The following NUP214 variants were observed in gnomAD, a reference collection of about 807,000 sequenced individuals.
NUP214 encodes nuclear pore complex protein Nup214.
Under a neutral mutation model 196.2 loss-of-function variants are expected in NUP214, and 79 were observed. The observed-to-expected ratio is 0.40, with a 90% CI of 0.34 to 0.49. The LOEUF is 0.49. Among genes scored for constraint, NUP214 ranks in the 20% least tolerant of loss-of-function variants. The pLI, the probability that NUP214 is intolerant of heterozygous loss-of-function variation, is 0.58. For synonymous variants in NUP214, 1,020 were observed against 990.5 expected (o/e 1.03, Z -0.56); for missense variants, 2,468 against 2,539.0 (o/e 0.97, Z 0.60).
chr9:131,130,388 G>A (rs572770244), intron 4 of NUP214, among the ~76,000 whole-genome samples: 4 of 151,750 alleles, frequency 2.6e-5, no homozygotes, highest in African/African-American at 4.8e-5. Flanking sequence ...CAAGTGATCC[G>A]TCCGTCTCAT....
At chr9:131,190,162 A>G (rs1447442579) in intron 26 of NUP214, 2 of 329,620 alleles carry the variant, frequency 6.1e-6, no homozygotes, top group Non-Finnish European at 1.1e-5. Flanking sequence ...TACGCCTCAC[A>G]TGAGAAGGAG....
At chr9:131,228,373 C>A (rs764703442) in intron 33 of NUP214, 42 bp downstream of exon 33, 2 of 1,538,906 alleles carry the variant, frequency 1.3e-6, no homozygotes, top group Admixed American at 4.7e-5. Flanking sequence ...CACACGCCAG[C>A]CAAAAAGCAC....
At chr9:131,191,363 G>T (rs1833597396) in intron 26 of NUP214, 1 of 152,184 alleles carries the variant, frequency 6.6e-6, no homozygotes, top group Non-Finnish European at 1.5e-5. Context: ...AGCTGCTTGG[G>T]AGGCTGAGGC....
At chr9:131,140,889 C>CG (rs776877217) in intron 11 of NUP214, among the ~76,000 whole-genome samples, 179 bp downstream of exon 11, 8 of 152,124 alleles carry the variant, frequency 5.3e-5, no homozygotes, top group Non-Finnish European at 8.8e-5. Flanking sequence ...CCTTCCCCTA[C>CG]CCTCAAGCTT....
At chr9:131,182,828 C>T (rs1471551448) in intron 24 of NUP214, among the ~76,000 whole-genome samples, 1 of 152,064 alleles carries the variant, frequency 6.6e-6, no homozygotes, top group Non-Finnish European at 1.5e-5. Context: ...TTAAATGTCT[C>T]TATGACTCTA....
At position 131,233,982 on chromosome 9, in the gene NUP214, C is replaced by T. The variant is rs1360014043; in HGVS notation, c.*495C>T. 4.3e-5 allele frequency: 13 copies of T among 300,726 alleles called. No individual in the cohort carries two copies. 18.6% of individuals were successfully genotyped at this position (300,726 alleles called of 1,614,324 possible). On this transcript the variant is annotated 3_prime_UTR_variant, in exon 36 of 36. Coordinates refer to ENST00000359428, the MANE Select transcript of NUP214 (RefSeq NM_005085.4). Reference sequence around the variant, plus strand: ...CCTTGTTCTTTTAGCCATTGTGTATCAGGACCATCCAAGGACGCACTCTGC... The same window carrying T: ...CCTTGTTCTTTTAGCCATTGTGTATTAGGACCATCCAAGGACGCACTCTGC...
At chr9:131,195,845 G>A (rs1222880754) in intron 28 of NUP214, among the ~76,000 whole-genome samples, 6 of 152,080 alleles carry the variant, frequency 3.9e-5, no homozygotes, top group Admixed American at 3.9e-4. Context: ...GACCAACATG[G>A]AGAAACCCCG....
chr9:131,172,460 T>C (rs1381088130), intron 21 of NUP214, among the ~76,000 whole-genome samples: 1 of 152,234 alleles, frequency 6.6e-6, no homozygotes, highest in Non-Finnish European at 1.5e-5. Context: ...ATTAGCCCTT[T>C]GTCAGATGAG....
chr9:131,192,370 T>C, intron 27 of NUP214, 78 bp downstream of exon 27: 1 of 871,416 alleles, frequency 1.1e-6, no homozygotes, highest in Non-Finnish European at 1.8e-6. Context: ...GATATATTTA[T>C]TTACTTATTA....
intron 2 of NUP214, 125 bp downstream of exon 2, chr9:131,127,844 C>T (rs1831410502): frequency 1.4e-6 from 1 of 707,780 alleles, no homozygotes; most frequent in East Asian, 2.6e-5. Flanking sequence ...GGTTGACTCC[C>T]AAGAAGATTA....
At chr9:131,147,403 T>C in intron 13 of NUP214, 87 bp from the exon 14 acceptor site, 1 of 1,006,964 alleles carries the variant, frequency 9.9e-7, no homozygotes, top group Non-Finnish European at 1.5e-6. Flanking sequence ...GTAACTTAAT[T>C]TCTTAGATTT....
intron 34 of NUP214, among the ~76,000 whole-genome samples, chr9:131,232,000 C>A (rs1402755342): frequency 6.6e-6 from 1 of 151,732 alleles, no homozygotes; most frequent in African/African-American, 2.4e-5. Context: ...AGACCCTCTG[C>A]CTACAGCTGG....
intron 25 of NUP214, among the ~76,000 whole-genome samples, chr9:131,188,148 T>G (rs2131025407): frequency 6.6e-6 from 1 of 152,348 alleles, no homozygotes; most frequent in South Asian, 2.1e-4. Flanking sequence ...CATTGCTCGT[T>G]TCACTACACA....
intron 21 of NUP214, among the ~76,000 whole-genome samples, chr9:131,172,002 C>T (rs1184253204): frequency 4.0e-5 from 6 of 151,802 alleles, no homozygotes; most frequent in South Asian, 2.1e-4. Flanking sequence ...TGAATAGTGC[C>T]GCAATAAACA....
At chr9:131,184,985 A>C (rs911707465) in intron 24 of NUP214, among the ~76,000 whole-genome samples, 4 of 152,232 alleles carry the variant, frequency 2.6e-5, no homozygotes, top group East Asian at 1.9e-4. Flanking sequence ...GTATGAAAAG[A>C]TACATGTGAT....
At chr9:131,130,137 G>GTTTTTTTTTTTGTTTTTTTTTT (rs1554728065) in intron 4 of NUP214, among the ~76,000 whole-genome samples, 2 of 76,894 alleles carry the variant, frequency 2.6e-5, no homozygotes, top group Non-Finnish European at 4.6e-5. Context: ...TTCTGGTTTT[G>GTTTTTTTTTTTGTTTTTTTTTT]TTTTTTTTTT....
chr9:131,151,238 G>T (rs1478509181), intron 16 of NUP214, among the ~76,000 whole-genome samples: 1 of 152,148 alleles, frequency 6.6e-6, no homozygotes, highest in Non-Finnish European at 1.5e-5. Context: ...TGTGCCAAAC[G>T]CATCACTTGT....
chr9:131,226,265 GT>G lies in NUP214; in HGVS notation c.5903-1892del, dbSNP rs557290169. Reference sequence around the variant, plus strand: ...ATCATCATTGATTATTAGAAAATTTGTTTCTTCTGGAGAAGAAATTTATGAA... The same window carrying G: ...ATCATCATTGATTATTAGAAAATTTGTTCTTCTGGAGAAGAAATTTATGAA... On this transcript the variant is annotated intron_variant, in intron 32 of 35. Coordinates refer to ENST00000359428, the MANE Select transcript of NUP214 (RefSeq NM_005085.4). 1.9e-3 allele frequency among the ~76,000 whole-genome samples: 295 copies of G among 152,282 alleles called. 3 individuals carry two copies. The highest frequency in any genetic ancestry group is 6.8e-3 in the African/African-American group (282 of 41,566).
rs888477102 is a variant in NUP214 at position 131,198,252 on chromosome 9, C to T, written c.4758C>T (p.Ser1586=). ...GGACGGAGGCAGTACCACCTGCTTC[C>T]TCCTTTTCTGTGCCTGGGCAGACTG... is the stretch of plus-strand genomic sequence containing the variant. ...DARTEAVPPA[S]SFSVPGQTAV... is the part of the protein sequence containing the mutation. The change falls in exon 29 of 36, where the codon TCC becomes TCT. Residue 1586 remains serine, a synonymous_variant. Coordinates refer to ENST00000359428, the MANE Select transcript of NUP214 (RefSeq NM_005085.4). 3 of 1,614,218 alleles carry T rather than the reference C, an allele frequency of 1.9e-6. No homozygotes were observed. The highest frequency in any genetic ancestry group is 2.5e-6 in the Non-Finnish European group (3 of 1,180,048).
Sources: allele counts gnomAD v4.1 joint callset (sites outside exome capture counted in the v4.1 genomes callset), GRCh38; gene constraint gnomAD v4.1.1; transcripts MANE v1.5; gene names NCBI Gene and HGNC (gene_info 2026-07-23, HGNC 2026-07-21).